CDK14: variants seen among roughly 807,000 people sequenced by gnomAD.
CDK14 encodes the protein cyclin dependent kinase 14, also known as cyclin-dependent kinase 14.
CDK14 carries 34 observed loss-of-function variants against 60.7 expected under a neutral mutation model. The observed-to-expected ratio is 0.56, with a 90% CI of 0.43 to 0.75. The LOEUF is 0.75. CDK14 is among the 30% of genes least tolerant of loss of function. The probability of loss-of-function intolerance (pLI) is 0.00; values close to 1 mark genes in which losing one functional copy is unlikely to be tolerated. For synonymous variants in CDK14, 197 were observed against 203.7 expected (o/e 0.97, Z 0.28); for missense variants, 482 against 564.1 (o/e 0.85, Z 1.47).
intron 2 of CDK14, among the ~76,000 whole-genome samples, chr7:90,673,309 A>T (rs1416812856): frequency 6.6e-6 from 1 of 152,186 alleles, no homozygotes; most frequent in Non-Finnish European, 1.5e-5. Flanking sequence ...AGGGTACCAA[A>T]GATTGGGGAA....
At chr7:91,089,087 A>C (rs1798727571) in intron 12 of CDK14, among the ~76,000 whole-genome samples, 1 of 152,180 alleles carries the variant, frequency 6.6e-6, no homozygotes, top group African/African-American at 2.4e-5. Context: ...TTTAGGGATA[A>C]AATCATGTGT....
At chr7:90,630,433 A>G (rs935107051) in intron 2 of CDK14, among the ~76,000 whole-genome samples, 3 of 152,350 alleles carry the variant, frequency 2.0e-5, no homozygotes, top group South Asian at 2.1e-4. Context: ...ATATGATAAT[A>G]TAATCTTATG....
At chr7:90,788,398 A>AT (rs1228184950) in intron 4 of CDK14, among the ~76,000 whole-genome samples, 2 of 151,954 alleles carry the variant, frequency 1.3e-5, no homozygotes, top group African/African-American at 2.4e-5. Context: ...GTGCATAGTA[A>AT]TTTTTTTTGC....
chr7:91,161,469 T>C (rs1801166733), intron 14 of CDK14, among the ~76,000 whole-genome samples: 1 of 152,232 alleles, frequency 6.6e-6, no homozygotes. Flanking sequence ...CGGTGTGTTT[T>C]TCTACACTAC....
intron 2 of CDK14, among the ~76,000 whole-genome samples, chr7:90,711,340 A>G (rs1178574800): frequency 6.6e-6 from 1 of 152,036 alleles, no homozygotes; most frequent in Non-Finnish European, 1.5e-5. Context: ...TCTTCCAAAG[A>G]TAGATCAAAT....
chr7:90,743,702 T>A (rs967026426), intron 3 of CDK14, among the ~76,000 whole-genome samples: 2 of 152,156 alleles, frequency 1.3e-5, no homozygotes, highest in African/African-American at 4.8e-5. Context: ...TTATTAGACT[T>A]CTTGGTGGAT....
chr7:91,198,067 T>TTGGAC (rs1262424711), intron 14 of CDK14, among the ~76,000 whole-genome samples: 1 of 152,196 alleles, frequency 6.6e-6, no homozygotes, highest in African/African-American at 2.4e-5. Flanking sequence ...CTTGGAGTTG[T>TTGGAC]TGGACCCTCA....
At chr7:91,059,518 T>G (rs1227765948) in intron 11 of CDK14, among the ~76,000 whole-genome samples, 1 of 152,108 alleles carries the variant, frequency 6.6e-6, no homozygotes, top group African/African-American at 2.4e-5. Flanking sequence ...TTTAGATCTT[T>G]CCTACTTTCT....
intron 5 of CDK14, among the ~76,000 whole-genome samples, chr7:90,800,960 G>C (rs1221176602): frequency 1.3e-5 from 2 of 152,076 alleles, no homozygotes; most frequent in Non-Finnish European, 2.9e-5. Context: ...CTCTCTCTCT[G>C]TGTCTTCTCC....
intron 8 of CDK14, among the ~76,000 whole-genome samples, chr7:90,950,801 A>C: frequency 6.6e-6 from 1 of 152,222 alleles, no homozygotes; most frequent in East Asian, 1.9e-4. Flanking sequence ...CAGTATATAT[A>C]GATAGTAACT....
At chr7:90,722,904 T>C (rs1802508678) in intron 2 of CDK14, among the ~76,000 whole-genome samples, 1 of 152,222 alleles carries the variant, frequency 6.6e-6, no homozygotes, top group East Asian at 1.9e-4. Context: ...AATTTCTAAT[T>C]GGAGTTCCTC....
intron 2 of CDK14, among the ~76,000 whole-genome samples, chr7:90,680,092 A>ATT (rs5885738): frequency 6.6e-6 from 1 of 151,686 alleles, no homozygotes; most frequent in Admixed American, 6.6e-5. Flanking sequence ...GTTTATATAT[A>ATT]TTTTTCGTTT....
intron 2 of CDK14, among the ~76,000 whole-genome samples, chr7:90,620,518 A>G (rs1171652371): frequency 2.6e-5 from 4 of 152,054 alleles, no homozygotes; most frequent in Non-Finnish European, 4.4e-5. Context: ...CCGTATCCCT[A>G]TTTATAATCT....
intron 14 of CDK14, among the ~76,000 whole-genome samples, chr7:91,181,687 T>G (rs1802006894): frequency 6.6e-6 from 1 of 152,208 alleles, no homozygotes; most frequent in Admixed American, 6.5e-5. Flanking sequence ...AGTTTCCTAA[T>G]ATCCTCCAAA....
chr7:90,752,706 A>T (rs1803894609), intron 4 of CDK14, among the ~76,000 whole-genome samples: 1 of 152,148 alleles, frequency 6.6e-6, no homozygotes, highest in Non-Finnish European at 1.5e-5. Flanking sequence ...TATTAAAAAT[A>T]AATGAAATCA....
At chr7:90,958,948 A>G (rs1252805425) in intron 9 of CDK14, among the ~76,000 whole-genome samples, 1 of 152,128 alleles carries the variant, frequency 6.6e-6, no homozygotes, top group Non-Finnish European at 1.5e-5. Flanking sequence ...AGCACCAAGA[A>G]CCAAATGGAC....
At chr7:91,198,038 T>C (rs1802603574) in intron 14 of CDK14, among the ~76,000 whole-genome samples, 1 of 152,180 alleles carries the variant, frequency 6.6e-6, no homozygotes, top group African/African-American at 2.4e-5. Flanking sequence ...GCGAGCTGTC[T>C]AGCACCCGCC....
intron 10 of CDK14, among the ~76,000 whole-genome samples, chr7:91,035,004 A>G (rs1471590087): frequency 6.6e-6 from 1 of 152,036 alleles, no homozygotes; most frequent in Non-Finnish European, 1.5e-5. Flanking sequence ...GCTACCAGAA[A>G]AATATTCTGT....
chr7:90,734,363 T>A (rs959739824), intron 3 of CDK14, among the ~76,000 whole-genome samples: 4 of 152,208 alleles, frequency 2.6e-5, no homozygotes, highest in African/African-American at 9.6e-5. Context: ...CCTGCCTTGC[T>A]AGGTTGGGGA....
Sources: allele counts gnomAD v4.1 joint callset (sites outside exome capture counted in the v4.1 genomes callset), GRCh38; gene constraint gnomAD v4.1.1; transcripts MANE v1.5; gene names NCBI Gene and HGNC (gene_info 2026-07-23, HGNC 2026-07-21).